KLHL32: variants seen among roughly 807,000 people sequenced by gnomAD.
KLHL32 encodes the protein kelch-like protein 32.
Under a neutral mutation model 64.8 loss-of-function variants are expected in KLHL32, and 35 were observed. The ratio of observed to expected loss-of-function variants is 0.54; its 90% CI spans 0.41 to 0.72. The LOEUF (loss-of-function observed/expected upper bound fraction) is 0.72, where lower values mean the gene tolerates loss of function less well. Ranked by LOEUF, KLHL32 falls within the 30% of genes least tolerant of loss-of-function variation. KLHL32 has a pLI of 0.00. For synonymous variants in KLHL32, 259 were observed against 281.0 expected (o/e 0.92, Z 0.78); for missense variants, 589 against 768.5 (o/e 0.77, Z 2.76).
chr6:97,097,600 T>C (rs1349225203), intron 6 of KLHL32, among the ~76,000 whole-genome samples: 1 of 151,850 alleles, frequency 6.6e-6, no homozygotes, highest in Non-Finnish European at 1.5e-5. Flanking sequence ...GGAAGTTCTT[T>C]CACTCGGTGA....
At chr6:96,911,352 T>C in the KLHL32 span, among the ~76,000 whole-genome samples, 1 of 152,232 alleles carries the variant, frequency 6.6e-6, no homozygotes, top group East Asian at 1.9e-4. Flanking sequence ...TGACCCATTC[T>C]ACTTCCTGAG....
intron 6 of KLHL32, among the ~76,000 whole-genome samples, chr6:97,099,717 GC>G (rs994171207): frequency 6.6e-6 from 1 of 152,094 alleles, no homozygotes; most frequent in African/African-American, 2.4e-5. Flanking sequence ...ACTAAGCCCT[GC>G]CCCCCTGTCT....
chr6:97,050,426 A>T (rs926799953), intron 4 of KLHL32, among the ~76,000 whole-genome samples: 3 of 152,120 alleles, frequency 2.0e-5, no homozygotes, highest in African/African-American at 7.2e-5. Flanking sequence ...GAGAGCATGG[A>T]GGTATGGCTG....
chr6:96,979,400 T>G (rs984042607), intron 3 of KLHL32, among the ~76,000 whole-genome samples: 7 of 152,110 alleles, frequency 4.6e-5, no homozygotes. Flanking sequence ...AATTTGGTCT[T>G]TTCCCATTGC....
chr6:96,999,501 A>G (rs980051752), intron 3 of KLHL32: 2 of 955,156 alleles, frequency 2.1e-6, no homozygotes, highest in Non-Finnish European at 2.5e-6. Context: ...TGTTTTCACC[A>G]TATTTGATGG....
chr6:97,041,661 T>C, intron 4 of KLHL32, 62 bp downstream of exon 4: 1 of 966,086 alleles, frequency 1.0e-6, no homozygotes, highest in Non-Finnish European at 1.7e-6. Context: ...CAAAGGAGAT[T>C]ATCCTTGAGG....
upstream of KLHL32, among the ~76,000 whole-genome samples, chr6:96,922,514 A>T (rs964216326): frequency 2.0e-5 from 3 of 152,164 alleles, no homozygotes; most frequent in Non-Finnish European, 2.9e-5. Context: ...TTAAAAAAAA[A>T]AAATCTTCTT....
rs9372334 is a variant in KLHL32, at chr6:97,094,233, C to A, written c.627+8892C>A. Among the ~76,000 whole-genome samples, 3 of 152,164 alleles carry A rather than the reference C, an allele frequency of 2.0e-5. No individual in the cohort carries two copies. The East Asian group carries it at 5.8e-4, about 29-fold the overall frequency. ...GTTCATGCTAATTGGCTGTGTCAGA[C>A]CATAGAGATTTGCTATTCTGGGAGT... On this transcript the variant is annotated intron_variant, in intron 6 of 10. Coordinates refer to ENST00000369261, the MANE Select transcript of KLHL32 (RefSeq NM_052904.4).
chr6:97,107,166 G>T (rs1026124842), intron 6 of KLHL32, among the ~76,000 whole-genome samples: 1 of 152,006 alleles, frequency 6.6e-6, no homozygotes, highest in African/African-American at 2.4e-5. Context: ...GGTGGCAGGT[G>T]CCTGTAGTCC....
At chr6:97,074,850 AT>A (rs1791342805) in intron 5 of KLHL32, among the ~76,000 whole-genome samples, 1 of 151,124 alleles carries the variant, frequency 6.6e-6, no homozygotes, top group Non-Finnish European at 1.5e-5. Context: ...CAGATAAACT[AT>A]TTTCAATTAA....
chr6:97,051,127 T>C (rs1018300528), intron 4 of KLHL32, among the ~76,000 whole-genome samples: 2 of 152,264 alleles, frequency 1.3e-5, no homozygotes, highest in African/African-American at 4.8e-5. Context: ...CCTGAGGTCG[T>C]ATGTACAGAT....
chr6:96,920,778 C>G (rs1768729766), upstream of KLHL32, among the ~76,000 whole-genome samples: 1 of 152,100 alleles, frequency 6.6e-6, no homozygotes, highest in African/African-American at 2.4e-5. Context: ...CTTTAGTTCT[C>G]TCTGTCCCTG....
chr6:97,071,139 A>T (rs1033754325), intron 5 of KLHL32, among the ~76,000 whole-genome samples: 1 of 151,920 alleles, frequency 6.6e-6, no homozygotes, highest in Non-Finnish European at 1.5e-5. Flanking sequence ...CCTTGCCCTC[A>T]CTACCCAACT....
At chr6:97,112,797 A>C (rs914044477) in intron 6 of KLHL32, among the ~76,000 whole-genome samples, 3 of 150,738 alleles carry the variant, frequency 2.0e-5, no homozygotes, top group Non-Finnish European at 4.4e-5. Flanking sequence ...TTAAAACTAA[A>C]GCAGGTACAT....
chr6:97,092,859 G>A (rs1310870655), intron 6 of KLHL32, among the ~76,000 whole-genome samples: 1 of 152,212 alleles, frequency 6.6e-6, no homozygotes, highest in East Asian at 1.9e-4. Context: ...TGCTAGAGCT[G>A]TGCGTTGCTG....
At chr6:96,955,193 A>C (rs1426418435) in intron 1 of KLHL32, among the ~76,000 whole-genome samples, 1 of 152,152 alleles carries the variant, frequency 6.6e-6, no homozygotes, top group Non-Finnish European at 1.5e-5. Flanking sequence ...TGAACACTTG[A>C]ATTTTGGGGG....
intron 3 of KLHL32, among the ~76,000 whole-genome samples, chr6:97,039,092 AAAAAAAAAAAAAAG>A (rs1167474552): frequency 2.7e-5 from 4 of 149,994 alleles, no homozygotes; most frequent in African/African-American, 7.4e-5. Context: ...TCTGTCTCAA[AAAAAAAAAAAAAAG>A]AAAAAAAGAA....
At chr6:96,982,024 C>T (rs1275297895) in intron 3 of KLHL32, among the ~76,000 whole-genome samples, 1 of 151,800 alleles carries the variant, frequency 6.6e-6, no homozygotes, top group South Asian at 2.1e-4. Context: ...AATATATATT[C>T]TGTTGTTTTT....
At chr6:97,024,397 G>T (rs1418881287) in intron 3 of KLHL32, among the ~76,000 whole-genome samples, 3 of 141,258 alleles carry the variant, frequency 2.1e-5, no homozygotes, top group African/African-American at 8.3e-5. Flanking sequence ...GGTTTTTGTT[G>T]TTGCTTTTTT....
Sources: allele counts gnomAD v4.1 joint callset (sites outside exome capture counted in the v4.1 genomes callset), GRCh38; gene constraint gnomAD v4.1.1; transcripts MANE v1.5; gene names NCBI Gene and HGNC (gene_info 2026-07-23, HGNC 2026-07-21).